The following MCC variants were observed in gnomAD, a reference collection of about 807,000 sequenced individuals.
The protein encoded by MCC is MCC regulator of Wnt signaling pathway, also known as colorectal mutant cancer protein.
A neutral mutation model predicts 116.2 loss-of-function variants in MCC; 90 were observed. The ratio of observed to expected loss-of-function variants is 0.77; its 90% CI spans 0.65 to 0.92. The LOEUF (loss-of-function observed/expected upper bound fraction) is 0.92. Among genes scored for constraint, MCC ranks in the 40% least tolerant of loss-of-function variants. MCC has a pLI of 0.00. For synonymous variants in MCC, 578 were observed against 510.5 expected (o/e 1.13, Z -1.78); for missense variants, 1,516 against 1,312.2 (o/e 1.16, Z -2.40).
chr5:113,359,212 G>A (rs1290902264), intron 2 of MCC, among the ~76,000 whole-genome samples: 1 of 152,182 alleles, frequency 6.6e-6, no homozygotes, highest in South Asian at 2.1e-4. Flanking sequence ...GTAACATTGG[G>A]AATATAGTGG....
chr5:113,066,947 G>C (rs954737788), intron 13 of MCC, among the ~76,000 whole-genome samples: 1 of 152,174 alleles, frequency 6.6e-6, no homozygotes, highest in Non-Finnish European at 1.5e-5. Context: ...CTAAGGGGGT[G>C]TCCGGGGCTT....
chr5:113,368,619 AGT>A (rs1768760330), intron 2 of MCC, among the ~76,000 whole-genome samples: 1 of 150,834 alleles, frequency 6.6e-6, no homozygotes, highest in Non-Finnish European at 1.5e-5. Flanking sequence ...TAGGAGAAAA[AGT>A]GTTTTTTTTT....
chr5:113,275,842 G>A (rs1036887034), intron 3 of MCC, among the ~76,000 whole-genome samples: 2 of 152,236 alleles, frequency 1.3e-5, no homozygotes, highest in African/African-American at 4.8e-5. Flanking sequence ...TGGTGTAGCG[G>A]GAGGTCCTGG....
intron 1 of MCC, among the ~76,000 whole-genome samples, chr5:113,466,870 G>A (rs1209785011): frequency 2.3e-4 from 35 of 152,164 alleles, no homozygotes; most frequent in African/African-American, 7.7e-4. Context: ...TTTAATGATC[G>A]CCATTCTAAC....
intron 1 of MCC, among the ~76,000 whole-genome samples, chr5:113,456,843 T>C (rs1771565933): frequency 6.6e-6 from 1 of 152,046 alleles, no homozygotes; most frequent in African/African-American, 2.4e-5. Context: ...TGCACTACTT[T>C]TGAGTGTCAT....
At chr5:113,345,028 C>T (rs1158162639) in intron 2 of MCC, among the ~76,000 whole-genome samples, 1 of 152,028 alleles carries the variant, frequency 6.6e-6, no homozygotes, top group Non-Finnish European at 1.5e-5. Context: ...CAGAAGGGAG[C>T]CCACTGCCCT....
chr5:113,105,637 C>A (rs1487769036), intron 6 of MCC, among the ~76,000 whole-genome samples: 1 of 152,136 alleles, frequency 6.6e-6, no homozygotes, highest in Non-Finnish European at 1.5e-5. Context: ...CATCTTGTGA[C>A]CACAACCTCC....
At chr5:113,241,602 G>A (rs1007011167) in intron 3 of MCC, among the ~76,000 whole-genome samples, 1 of 152,150 alleles carries the variant, frequency 6.6e-6, no homozygotes, top group African/African-American at 2.4e-5. Context: ...ACACATACAG[G>A]ACTACTGTCT....
chr5:113,194,630 C>A (rs1325354142), intron 3 of MCC, among the ~76,000 whole-genome samples: 6 of 151,982 alleles, frequency 3.9e-5, no homozygotes, highest in Non-Finnish European at 7.4e-5. Context: ...TGCACTTCAT[C>A]CTGGGCGACA....
intron 14 of MCC, among the ~76,000 whole-genome samples, chr5:113,061,032 T>C (rs1451932913): frequency 6.6e-6 from 1 of 152,236 alleles, no homozygotes. Context: ...AACCATTTTT[T>C]CTGCCCCAAT....
At chr5:113,301,203 C>T (rs1039189301) in intron 3 of MCC, among the ~76,000 whole-genome samples, 2 of 152,172 alleles carry the variant, frequency 1.3e-5, no homozygotes, top group African/African-American at 2.4e-5. Flanking sequence ...TGGTGGCTCA[C>T]GCCTGTAATC....
At chr5:113,284,431 T>G (rs1366026303) in intron 3 of MCC, among the ~76,000 whole-genome samples, 1 of 152,232 alleles carries the variant, frequency 6.6e-6, no homozygotes, top group South Asian at 2.1e-4. Context: ...TAGATATGAT[T>G]TACTGAAGAA....
chr5:113,199,347 C>G (rs1762576219), intron 3 of MCC, among the ~76,000 whole-genome samples: 1 of 151,694 alleles, frequency 6.6e-6, no homozygotes, highest in African/African-American at 2.4e-5. Context: ...TTTGTGGGAC[C>G]AATAATAGAA....
chr5:113,071,313 G>C, intron 11 of MCC, 79 bp from the exon 12 acceptor site: 1 of 1,482,274 alleles, frequency 6.7e-7, no homozygotes, highest in Non-Finnish European at 9.2e-7. Flanking sequence ...TTTATATTCA[G>C]GGCAGAAAAG....
chr5:113,099,999 T>G (rs910670231), intron 8 of MCC, among the ~76,000 whole-genome samples: 1 of 152,186 alleles, frequency 6.6e-6, no homozygotes, highest in African/African-American at 2.4e-5. Flanking sequence ...TGGGCTTTAG[T>G]GCTAAGCAAA....
At position 113,024,580 on chromosome 5, in the gene MCC, A is replaced by G. The variant is rs939511381; in HGVS notation, c.*2722T>C. 2 of 152,254 alleles carry G rather than the reference A, an allele frequency of 1.3e-5. No homozygotes were observed. Among genetic ancestry groups the G allele is most frequent in the South Asian group, 2.1e-4 (1 of 4,834 alleles). The allele number at this position is 152,254 out of a possible 1,614,324, so 9.4% of individuals were successfully genotyped here. A position where few individuals can be genotyped will look rare whatever the true frequency, so the allele number is the denominator to read the frequency against. On this transcript the variant is annotated 3_prime_UTR_variant, in exon 19 of 19. Transcript: ENST00000408903. ...AAAGGGGGTAACCACTGAGGAAACTAGGGAGAACAATTCAAAATACGAAAT... is the reference window on the plus strand; with the variant it reads ...AAAGGGGGTAACCACTGAGGAAACTGGGGAGAACAATTCAAAATACGAAAT...
chr5:113,409,004 A>T (rs1769908472), intron 1 of MCC, among the ~76,000 whole-genome samples: 1 of 152,184 alleles, frequency 6.6e-6, no homozygotes. Context: ...GCAGCTTAGG[A>T]CGTGGATCAA....
intron 3 of MCC, chr5:113,269,054 C>T: frequency 5.8e-6 from 3 of 517,886 alleles, no homozygotes; most frequent in Non-Finnish European, 7.4e-6. Flanking sequence ...AAGAAGGCAG[C>T]AGCACAAACA....
chr5:113,301,925 G>A (rs1766871940), intron 3 of MCC, among the ~76,000 whole-genome samples: 1 of 152,196 alleles, frequency 6.6e-6, no homozygotes. Flanking sequence ...GATGCCACAG[G>A]AAGACTTTCT....
Sources: allele counts gnomAD v4.1 joint callset (sites outside exome capture counted in the v4.1 genomes callset), GRCh38; gene constraint gnomAD v4.1.1; transcripts MANE v1.5; gene names NCBI Gene and HGNC (gene_info 2026-07-23, HGNC 2026-07-21).